C3orf49: variants seen among roughly 807,000 people sequenced by gnomAD.
The protein encoded by C3orf49 is chromosome 3 open reading frame 49, also known as putative uncharacterized protein C3orf49.
A neutral mutation model predicts 13.3 loss-of-function variants in C3orf49; 27 were observed. The ratio of observed to expected loss-of-function variants is 2.02; its 90% CI spans 1.49 to 2.79. C3orf49 has a LOEUF of 2.79. C3orf49 is among the 30% of genes most tolerant of loss of function. C3orf49 has a pLI of 0.00. For missense variants in C3orf49, 242 were observed against 134.2 expected, an observed-to-expected ratio of 1.80 and a Z score of -3.97; for synonymous variants, 87 against 47.6, an observed-to-expected ratio of 1.83 and a Z score of -3.40.
At chr3:63,797,909 A>G in the C3orf49 span, among the ~76,000 whole-genome samples, 1 of 152,076 alleles carries the variant, frequency 6.6e-6, no homozygotes, top group Non-Finnish European at 1.5e-5. Context: ...GACTCGTTAC[A>G]TTGTCATTTA....
chr3:63,844,926 C>A, intron 5 of C3orf49, 97 bp from the exon 6 acceptor site: 1 of 570,266 alleles, frequency 1.8e-6, no homozygotes, highest in Non-Finnish European at 3.2e-6. Flanking sequence ...TGCTATAATA[C>A]CTGAAAATGT....
chr3:63,844,512 A>G (rs1397485063), intron 5 of C3orf49, among the ~76,000 whole-genome samples: 1 of 152,236 alleles, frequency 6.6e-6, no homozygotes, highest in Non-Finnish European at 1.5e-5. Flanking sequence ...TACATAAAAA[A>G]GAAGGAAGTT....
At chr3:63,793,015 A>G in the C3orf49 span, among the ~76,000 whole-genome samples, 2 of 152,304 alleles carry the variant, frequency 1.3e-5, no homozygotes, top group East Asian at 1.9e-4. Flanking sequence ...GACTTAAATT[A>G]TGGATTCCTG....
intron 5 of C3orf49, chr3:63,839,908 C>A (rs1701723077): frequency 9.0e-6 from 6 of 665,624 alleles, no homozygotes; most frequent in Non-Finnish European, 1.0e-5. Context: ...CTGAACTGTA[C>A]ACTTAAAAAT....
the C3orf49 span, among the ~76,000 whole-genome samples, chr3:63,795,315 A>G: frequency 4.6e-5 from 7 of 152,182 alleles, no homozygotes; most frequent in African/African-American, 1.7e-4. Flanking sequence ...TTTGAACCCA[A>G]GAAGATCCTG....
the C3orf49 span, among the ~76,000 whole-genome samples, chr3:63,809,444 T>C: frequency 4.6e-5 from 7 of 152,202 alleles, no homozygotes; most frequent in Non-Finnish European, 1.0e-4. Flanking sequence ...TGTAAGAAAA[T>C]ATCAGTAAGC....
At chr3:63,814,885 A>G (rs1701306737), upstream of C3orf49, among the ~76,000 whole-genome samples, 1 of 152,318 alleles carries the variant, frequency 6.6e-6, no homozygotes, top group East Asian at 1.9e-4. Flanking sequence ...ACTAAAAAAA[A>G]GGTTTAATTG....
At chr3:63,786,433 TAA>T in the C3orf49 span, among the ~76,000 whole-genome samples, 3 of 152,278 alleles carry the variant, frequency 2.0e-5, no homozygotes, top group African/African-American at 7.2e-5. Context: ...TAAAATTAAA[TAA>T]AAAGGAGTTT....
the C3orf49 span, among the ~76,000 whole-genome samples, chr3:63,781,069 C>G: frequency 6.6e-6 from 1 of 150,850 alleles, no homozygotes; most frequent in Admixed American, 6.6e-5. Flanking sequence ...TTGCCCATGC[C>G]TATGTCCTGA....
intron 5 of C3orf49, among the ~76,000 whole-genome samples, chr3:63,844,670 A>C (rs762567754): frequency 2.4e-4 from 36 of 152,298 alleles, no homozygotes; most frequent in Middle Eastern, 3.4e-3. Flanking sequence ...TCCTGATAAA[A>C]GGGTGAGTTC....
chr3:63,815,909 C>T (rs942382009), upstream of C3orf49, among the ~76,000 whole-genome samples: 3 of 151,512 alleles, frequency 2.0e-5, no homozygotes, highest in African/African-American at 7.2e-5. Flanking sequence ...CCCTCGTCCT[C>T]CTGAGTAGCT....
At chr3:63,831,434 A>G (rs961121717) in intron 4 of C3orf49, among the ~76,000 whole-genome samples, 1 of 152,198 alleles carries the variant, frequency 6.6e-6, no homozygotes, top group Non-Finnish European at 1.5e-5. Context: ...ATGTTAAATG[A>G]ATTCAGTTAA....
chr3:63,823,061 T>G (rs1701419143), intron 1 of C3orf49, among the ~76,000 whole-genome samples, 189 bp from the exon 2 acceptor site: 2 of 152,206 alleles, frequency 1.3e-5, no homozygotes, highest in Non-Finnish European at 2.9e-5. Flanking sequence ...ATTACTATAA[T>G]TTGGTAACAA....
the C3orf49 span, among the ~76,000 whole-genome samples, chr3:63,803,160 T>A: frequency 6.6e-6 from 1 of 152,226 alleles, no homozygotes; most frequent in African/African-American, 2.4e-5. Context: ...AAGCAAATCA[T>A]GTCTCTTTCC....
intron 6 of C3orf49, among the ~76,000 whole-genome samples, chr3:63,847,722 G>C (rs1701929255): frequency 6.6e-6 from 1 of 152,188 alleles, no homozygotes. Flanking sequence ...GGGCAACAGA[G>C]TGAGACTCTG....
chr3:63,846,304 C>G (rs1193009860), intron 6 of C3orf49: 2 of 386,930 alleles, frequency 5.2e-6, no homozygotes, highest in Non-Finnish European at 1.0e-5. Context: ...ACTCCCTGGA[C>G]AAAAATGGAC....
At position 63,837,222 on chromosome 3, in the gene C3orf49, C is replaced by A. The variant is rs575959670; in HGVS notation, c.849+5378C>A. Among the ~76,000 whole-genome samples the A allele has an allele frequency of 7.3e-3, 1,104 of 151,958 alleles. 4 individuals carry two copies. The highest frequency in any genetic ancestry group is 0.015 in the South Asian group (70 of 4,820). On this transcript the variant is annotated intron_variant, in intron 5 of 6. Coordinates refer to ENST00000295896, the MANE Select transcript of C3orf49 (RefSeq NM_001355236.2). The stretch of plus-strand genomic sequence containing the variant: ...CTATGTAAAACAAAACAAAACAACA[C>A]AAAAACAGAGAAAAGAACCTAAGCC...
chr3:63,844,664 G>A (rs1359533758), intron 5 of C3orf49, among the ~76,000 whole-genome samples: 1 of 152,142 alleles, frequency 6.6e-6, no homozygotes, highest in East Asian at 1.9e-4. Context: ...GTGAGCTCCT[G>A]ATAAAAGGGT....
At chr3:63,829,591 A>G (rs1001649517) in intron 3 of C3orf49, among the ~76,000 whole-genome samples, 41 of 152,212 alleles carry the variant, frequency 2.7e-4, no homozygotes, top group African/African-American at 8.9e-4. Flanking sequence ...ATTTCTGTCC[A>G]TCAAATGGTG....
Sources: allele counts gnomAD v4.1 joint callset (sites outside exome capture counted in the v4.1 genomes callset), GRCh38; gene constraint gnomAD v4.1.1; transcripts MANE v1.5; gene names NCBI Gene and HGNC (gene_info 2026-07-23, HGNC 2026-07-21).